TMPRSS12: variants seen among roughly 807,000 people sequenced by gnomAD.
TMPRSS12 encodes transmembrane serine protease 12.
Under a neutral mutation model 26.0 loss-of-function variants are expected in TMPRSS12, and 25 were observed. That is an observed-to-expected ratio of 0.96 (90% confidence interval 0.70 to 1.34). The LOEUF is 1.34. Ranked by LOEUF, TMPRSS12 falls within the 40% of genes most tolerant of loss-of-function variation. The pLI, the probability that TMPRSS12 is intolerant of heterozygous loss-of-function variation, is 0.00. For missense variants in TMPRSS12, 441 were observed against 440.1 expected, an observed-to-expected ratio of 1.00 and a Z score of -0.02; for synonymous variants, 150 against 161.7, an observed-to-expected ratio of 0.93 and a Z score of 0.55.
chr12:50,869,615 TAGAG>T (rs1938023183), intron 3 of TMPRSS12, among the ~76,000 whole-genome samples: 1 of 152,112 alleles, frequency 6.6e-6, no homozygotes, highest in South Asian at 2.1e-4. Flanking sequence ...TTCCACAAGA[TAGAG>T]AAAGACAGAT....
In TMPRSS12 at chr12:50,885,505, A is replaced by AT. The variant is rs748039415; in HGVS notation, c.795+123dup. 3.2e-6 allele frequency: 4 copies of AT among 1,231,632 alleles called. No individual in the cohort carries two copies. The African/African-American group carries it at 6.0e-5, about 18-fold the overall frequency. The allele number at this position is 1,231,632 out of a possible 1,614,324, so 76.3% of individuals were successfully genotyped here. On this transcript the variant is annotated intron_variant, in intron 4 of 4. Coordinates refer to ENST00000398458, the MANE Select transcript of TMPRSS12 (RefSeq NM_182559.3). ...TTATCAGGCCTAAAAATAATAAATCATTTTTTCTCCTTTTTAACTATTTCA... is the reference window on the plus strand; with the variant it reads ...TTATCAGGCCTAAAAATAATAAATCATTTTTTTCTCCTTTTTAACTATTTCA...
intron 3 of TMPRSS12, among the ~76,000 whole-genome samples, chr12:50,871,673 A>T (rs1164584518): frequency 6.6e-6 from 1 of 152,222 alleles, no homozygotes; most frequent in African/African-American, 2.4e-5. Context: ...GTGAGAGAAA[A>T]TCTTCACAAT....
Position 50,858,801 on chromosome 12 carries a change from A to G in TMPRSS12, c.400A>G (p.Thr134Ala), listed in dbSNP as rs771451948. Residue 134 changes from threonine to alanine, a missense_variant, in exon 3 of 5, where the codon ACA becomes GCA. Coordinates refer to ENST00000398458, the MANE Select transcript of TMPRSS12 (RefSeq NM_182559.3). ...TTCTTTCAGCGATCCTTTAATGTGG[A>G]CAGCTGTGATTGGAACTAATAATAT... ...TKDASDPLMW[T>A]AVIGTNNIHG... 31 of 1,584,242 alleles carry G rather than the reference A, an allele frequency of 2.0e-5. No individual in the cohort carries two copies. In the African/African-American group the frequency reaches 4.2e-4, roughly 22 times the overall value.
rs34544871 is a variant in TMPRSS12, at chr12:50,859,219, C to CTTT, written c.652+177_652+179dup. On this transcript the variant is annotated intron_variant, in intron 3 of 4. Transcript: ENST00000398458. ...TTATTTTTCCGTATTTTTATGGTAC[C>CTTT]TTTTTTTTTTTTTCCAGACAGAGTC... Among the ~76,000 whole-genome samples the CTTT allele has an allele frequency of 1.9e-4, 28 of 144,874 alleles. 1 individual carries two copies. Among genetic ancestry groups the CTTT allele is most frequent in the South Asian group, 2.2e-4 (1 of 4,568 alleles).
chr12:50,863,686 T>C (rs1937960134), intron 3 of TMPRSS12, among the ~76,000 whole-genome samples: 1 of 152,122 alleles, frequency 6.6e-6, no homozygotes, highest in Admixed American at 6.6e-5. Context: ...TCATATATGA[T>C]TCCAAGTATA....
At chr12:50,863,321 T>C (rs376514647) in intron 3 of TMPRSS12, among the ~76,000 whole-genome samples, 2 of 151,798 alleles carry the variant, frequency 1.3e-5, no homozygotes, top group Non-Finnish European at 2.9e-5. Flanking sequence ...CAAGAAGACA[T>C]AGCAATGCTA....
chr12:50,852,963 C>T lies in TMPRSS12; in HGVS notation c.384-5822C>T, dbSNP rs550077504. Among the ~76,000 whole-genome samples the T allele has an allele frequency of 5.3e-5, 8 of 152,276 alleles. No individual in the cohort carries two copies. In the South Asian group the frequency reaches 8.3e-4, roughly 16 times the overall value. On this transcript the variant is annotated intron_variant, in intron 2 of 4. Transcript: ENST00000398458. Reference sequence around the variant, plus strand: ...AAAGATATTTGAGATCTAAACTTGACGCTTGACAAAATGGACCTAATAGCT... The same window carrying T: ...AAAGATATTTGAGATCTAAACTTGATGCTTGACAAAATGGACCTAATAGCT...
At chr12:50,862,814 C>A (rs2139727200) in intron 3 of TMPRSS12, among the ~76,000 whole-genome samples, 1 of 152,014 alleles carries the variant, frequency 6.6e-6, no homozygotes, top group South Asian at 2.1e-4. Flanking sequence ...GGCGTGAGCC[C>A]CTGCACCCGC....
At position 50,872,886 on chromosome 12, in the gene TMPRSS12, C is replaced by T. The variant is rs1481591817; in HGVS notation, c.653-12360C>T. 9.9e-5 allele frequency among the ~76,000 whole-genome samples: 10 copies of T among 100,878 alleles called. 1 individual carries two copies. The highest frequency in any genetic ancestry group is 1.5e-4 in the African/African-American group (4 of 26,272). 66.2% of individuals were successfully genotyped at this position (100,878 alleles called of 152,430 possible). A position where few individuals can be genotyped will look rare whatever the true frequency, so the allele number is the denominator to read the frequency against. ...TGACTATATATGTACATATATATGACGTATATATGTACATATATATGACTA... is the reference window on the plus strand; with the variant it reads ...TGACTATATATGTACATATATATGATGTATATATGTACATATATATGACTA... On this transcript the variant is annotated intron_variant, in intron 3 of 4. Transcript: ENST00000398458.
chr12:50,885,353 G>T lies in TMPRSS12; in HGVS notation c.760G>T (p.Ala254Ser), dbSNP rs1157882397. 1.1e-5 allele frequency: 18 copies of T among 1,613,694 alleles called. No individual in the cohort carries two copies. Among genetic ancestry groups the T allele is most frequent in the Admixed American group, 1.7e-5 (1 of 59,990 alleles). The change falls in exon 4 of 5, where the codon GCA becomes TCA. Residue 254 changes from alanine (A) to serine (S), a missense_variant. By Grantham distance (99) the Ala-to-Ser change is moderately conservative. Coordinates refer to ENST00000398458, the MANE Select transcript of TMPRSS12 (RefSeq NM_182559.3). Reference sequence around the variant, plus strand: ...AATAATTCCTAACACTTCATTTTGTGCAGGTGATGAAGATGGAGCTTTTGA... The same window carrying T: ...AATAATTCCTAACACTTCATTTTGTTCAGGTGATGAAGATGGAGCTTTTGA... ...GGIIPNTSFC[A>S]GDEDGAFDTC... is the part of the protein sequence containing the mutation.
chr12:50,863,903 C>A (rs984807565), intron 3 of TMPRSS12, among the ~76,000 whole-genome samples: 2 of 152,102 alleles, frequency 1.3e-5, no homozygotes, highest in African/African-American at 4.8e-5. Context: ...AGAGATGTAA[C>A]CATTGTAGGA....
intron 2 of TMPRSS12, among the ~76,000 whole-genome samples, 197 bp downstream of exon 2, chr12:50,844,234 T>C (rs1937746988): frequency 6.6e-6 from 1 of 152,138 alleles, no homozygotes. Context: ...CTGGGGTACA[T>C]GTGCAGAACG....
intron 3 of TMPRSS12, among the ~76,000 whole-genome samples, chr12:50,878,884 T>G (rs1352509687): frequency 6.6e-6 from 1 of 152,214 alleles, no homozygotes; most frequent in Non-Finnish European, 1.5e-5. Flanking sequence ...GTAGGGCCTT[T>G]TGAGAGGGCA....
Position 50,887,353 on chromosome 12 carries a change from G to A in TMPRSS12, c.887G>A (p.Arg296Gln), listed in dbSNP as rs571064215. 7.4e-6 allele frequency: 12 copies of A among 1,613,866 alleles called. No homozygotes were observed. In the African/African-American group the frequency reaches 8.0e-5, roughly 11 times the overall value. ...ACCAGTTACGGACATGGCTGTGGTC[G>A]AAGAGGTTTTCCTGGTGTCTATATT... ...GITSYGHGCG[R>Q]RGFPGVYIGP... The change falls in exon 5 of 5, where the codon CGA (arginine) becomes CAA (glutamine). Residue 296 changes from arginine (R) to glutamine (Q), a missense_variant. Arg to Gln is a conservative substitution (Grantham distance 43). Coordinates refer to ENST00000398458, the MANE Select transcript of TMPRSS12 (RefSeq NM_182559.3).
rs3752667 is a variant in TMPRSS12 at position 50,887,649 on chromosome 12, G to A, written c.*136G>A. ...CATGTGAACATTTTATGGGCTATAA[G>A]TATTGTGACAGATATACAATTGTAA... On this transcript the variant is annotated 3_prime_UTR_variant, in exon 5 of 5. Coordinates refer to ENST00000398458, the MANE Select transcript of TMPRSS12 (RefSeq NM_182559.3). 255,702 of 1,094,514 alleles carry A rather than the reference G, an allele frequency of 0.23. 31,119 individuals carry two copies. The highest frequency in any genetic ancestry group is 0.4 in the East Asian group (16,427 of 41,104). 67.8% of individuals were successfully genotyped at this position (1,094,514 alleles called of 1,614,324 possible).
In TMPRSS12 at chr12:50,858,787, A is replaced by T. The variant is rs1260849293; in HGVS notation, c.386A>T (p.Asp129Val). 6.5e-7 allele frequency: 1 copy of T among 1,537,644 alleles called. No individual in the cohort carries two copies. The highest frequency in any genetic ancestry group is 2.3e-5 in the East Asian group (1 of 43,502). ...TAAGAATGTTTACTTTCTTTCAGCG[A>T]TCCTTTAATGTGGACAGCTGTGATT... ...TAAHCTKDASDPLMWTAVIGT... is the reference protein window; with the variant it reads ...TAAHCTKDASVPLMWTAVIGT... The change falls in exon 3 of 5, where the codon GAT becomes GTT. Residue 129 changes from aspartate to valine, a missense_variant and splice_region_variant. Asp to Val is a radical substitution (Grantham distance 152). Coordinates refer to ENST00000398458, the MANE Select transcript of TMPRSS12 (RefSeq NM_182559.3).
intron 3 of TMPRSS12, among the ~76,000 whole-genome samples, chr12:50,883,629 G>A (rs1168808421): frequency 2.0e-5 from 3 of 152,306 alleles, no homozygotes; most frequent in Non-Finnish European, 2.9e-5. Context: ...GTTGCAGTGA[G>A]TACGTCACTG....
At position 50,887,624 on chromosome 12, in the gene TMPRSS12, C is replaced by A; in HGVS notation, c.*111C>A. On this transcript the variant is annotated 3_prime_UTR_variant, in exon 5 of 5. Transcript: ENST00000398458. Reference sequence around the variant, plus strand: ...AATTAATTGCCTACATTAGAGATTTCATGTGAACATTTTATGGGCTATAAG... The same window carrying A: ...AATTAATTGCCTACATTAGAGATTTAATGTGAACATTTTATGGGCTATAAG... 1 of 1,361,650 alleles carries A rather than the reference C, an allele frequency of 7.3e-7. No individual in the cohort carries two copies. The highest frequency in any genetic ancestry group is 9.9e-7 in the Non-Finnish European group (1 of 1,008,544). 84.3% of individuals were successfully genotyped at this position (1,361,650 alleles called of 1,614,324 possible). A position where few individuals can be genotyped will look rare whatever the true frequency, so the allele number is the denominator to read the frequency against.
Position 50,876,043 on chromosome 12 carries a change from A to G in TMPRSS12, c.653-9203A>G, listed in dbSNP as rs1938109943. On this transcript the variant is annotated intron_variant, in intron 3 of 4. Transcript: ENST00000398458. ...ACTATCCAGGATCTATAAAGAACTT[A>G]AACAATTGAACAGGCCAAAACCAAT... Among the ~76,000 whole-genome samples the G allele has an allele frequency of 1.3e-5, 2 of 152,244 alleles. 1 individual carries two copies. Among genetic ancestry groups the G allele is most frequent in the South Asian group, 4.1e-4 (2 of 4,834 alleles).
Sources: gnomAD v4.1 joint callset for allele counts (sites outside exome capture counted in the v4.1 genomes callset) on GRCh38, gnomAD v4.1.1 for gene constraint, MANE v1.5 for transcripts, NCBI Gene and HGNC (gene_info 2026-07-23, HGNC 2026-07-21) for gene names.